The following DLGAP2 variants were observed in gnomAD, a reference collection of about 807,000 sequenced individuals.
DLGAP2 encodes disks large-associated protein 2.
Under a neutral mutation model 100.3 loss-of-function variants are expected in DLGAP2, and 26 were observed. That is an observed-to-expected ratio of 0.26 (90% confidence interval 0.19 to 0.36). The LOEUF (loss-of-function observed/expected upper bound fraction) is 0.36. Among genes scored for constraint, DLGAP2 ranks in the 10% least tolerant of loss-of-function variants. The pLI, the probability that DLGAP2 is intolerant of heterozygous loss-of-function variation, is 1.00. For synonymous variants in DLGAP2, 886 were observed against 630.1 expected (o/e 1.41, Z -6.08); for missense variants, 1,858 against 1,453.2 (o/e 1.28, Z -4.53).
Position 1,548,911 on chromosome 8 carries a change from G to C in DLGAP2, c.458G>C (p.Gly153Ala). ...SECVMMPVVL[G>A]DHVSSSTFPR... The stretch of plus-strand genomic sequence containing the variant: ...TGCGTGATGATGCCGGTGGTGCTGG[G>C]CGACCACGTGTCCAGCAGCACCTTC... The change falls in exon 5 of 15, where the codon GGC (glycine) becomes GCC (alanine). Residue 153 changes from glycine to alanine, a missense_variant. By Grantham distance (60) the Gly-to-Ala change is moderately conservative. Coordinates refer to ENST00000637795, the MANE Select transcript of DLGAP2 (RefSeq NM_001346810.2). 2 of 1,597,868 alleles carry C rather than the reference G, an allele frequency of 1.3e-6. No individual in the cohort carries two copies. The highest frequency in any genetic ancestry group is 1.7e-6 in the Non-Finnish European group (2 of 1,178,912).
chr8:1,586,656 G>A (rs1021732300), intron 6 of DLGAP2, among the ~76,000 whole-genome samples: 1 of 152,210 alleles, frequency 6.6e-6, no homozygotes, highest in Non-Finnish European at 1.5e-5. Context: ...TCAGAGTCCC[G>A]CCTGCAGAGG....
intron 3 of DLGAP2, among the ~76,000 whole-genome samples, chr8:1,466,538 TG>T (rs1798632242): frequency 2.0e-5 from 3 of 149,464 alleles, no homozygotes; most frequent in African/African-American, 7.2e-5. Context: ...TGTGTGTGTG[TG>T]TGTGTATGTG....
At chr8:1,596,422 G>A (rs991371796) in intron 6 of DLGAP2, among the ~76,000 whole-genome samples, 1 of 152,148 alleles carries the variant, frequency 6.6e-6, no homozygotes, top group Non-Finnish European at 1.5e-5. Flanking sequence ...TGTATTTCCA[G>A]TTCTAGATCC....
chr8:1,263,725 A>G (rs1362335248), intron 3 of DLGAP2, among the ~76,000 whole-genome samples: 2 of 152,136 alleles, frequency 1.3e-5, no homozygotes, highest in Admixed American at 6.5e-5. Flanking sequence ...TTGAAATTGC[A>G]TATTGAAGAG....
intron 1 of DLGAP2, among the ~76,000 whole-genome samples, chr8:787,078 A>T (rs1365546029): frequency 1.3e-5 from 2 of 152,144 alleles, no homozygotes; most frequent in African/African-American, 4.8e-5. Context: ...AGAACTTGGA[A>T]TATTATTCTA....
intron 1 of DLGAP2, among the ~76,000 whole-genome samples, chr8:816,982 T>C (rs1796492845): frequency 6.6e-6 from 1 of 152,038 alleles, no homozygotes; most frequent in African/African-American, 2.4e-5. Flanking sequence ...CTACTAAAAA[T>C]ACAACAAAAT....
chr8:1,156,736 G>A (rs1394085911), intron 2 of DLGAP2, among the ~76,000 whole-genome samples: 1 of 152,116 alleles, frequency 6.6e-6, no homozygotes, highest in African/African-American at 2.4e-5. Flanking sequence ...CCCCAACTCA[G>A]CACCCCCGTT....
At chr8:1,522,391 C>T (rs973115441) in intron 4 of DLGAP2, among the ~76,000 whole-genome samples, 10 of 152,296 alleles carry the variant, frequency 6.6e-5, no homozygotes, top group African/African-American at 2.4e-4. Flanking sequence ...GCAGCCGGGG[C>T]CCAGGGCATC....
intron 8 of DLGAP2, among the ~76,000 whole-genome samples, chr8:1,634,046 T>C (rs1330188188): frequency 1.3e-5 from 2 of 152,196 alleles, no homozygotes; most frequent in Non-Finnish European, 2.9e-5. Context: ...GTCGGCACTA[T>C]CATTGCACTT....
chr8:1,660,285 A>C (rs1488496651), intron 8 of DLGAP2, among the ~76,000 whole-genome samples: 1 of 152,204 alleles, frequency 6.6e-6, no homozygotes. Flanking sequence ...TTTTCATTAA[A>C]GGAAAATTCT....
chr8:1,419,238 TTTG>T (rs1050316802), intron 3 of DLGAP2, among the ~76,000 whole-genome samples: 3 of 147,778 alleles, frequency 2.0e-5, no homozygotes, highest in African/African-American at 7.7e-5. Flanking sequence ...GTGTGTAGGT[TTTG>T]TTTTCCTTTT....
rs368524042 is a variant in DLGAP2 at position 1,648,881 on chromosome 8, C to T, written c.1810+15835C>T. ...ATCTCTGAAAAGAAGAACCGCTGAT[C>T]TCACTTGAAATGGGAAGAATTGTGG... On this transcript the variant is annotated intron_variant, in intron 8 of 14. Transcript: ENST00000637795. Among the ~76,000 whole-genome samples the T allele has an allele frequency of 1.6e-4, 24 of 152,280 alleles. No individual in the cohort carries two copies. The South Asian group carries it at 2.3e-3, about 14-fold the overall frequency.
intron 1 of DLGAP2, among the ~76,000 whole-genome samples, chr8:868,711 G>A (rs553271848): frequency 4.6e-5 from 7 of 152,294 alleles, no homozygotes; most frequent in East Asian, 1.9e-4. Flanking sequence ...TGTCTGAGGC[G>A]TCTGCAGCCC....
At chr8:1,434,077 C>G (rs2130013659) in intron 3 of DLGAP2, among the ~76,000 whole-genome samples, 1 of 152,298 alleles carries the variant, frequency 6.6e-6, no homozygotes, top group Non-Finnish European at 1.5e-5. Flanking sequence ...GAATGAGGCT[C>G]TGTGCTATGG....
intron 1 of DLGAP2, among the ~76,000 whole-genome samples, chr8:829,199 C>T (rs1036369603): frequency 2.0e-5 from 3 of 152,134 alleles, no homozygotes; most frequent in African/African-American, 7.2e-5. Flanking sequence ...GTAAGGAATC[C>T]AGTTTCTAAT....
intron 3 of DLGAP2, among the ~76,000 whole-genome samples, chr8:1,451,369 A>G (rs1192314037): frequency 2.0e-5 from 3 of 152,114 alleles, no homozygotes; most frequent in African/African-American, 7.2e-5. Context: ...GGTTGCATGC[A>G]TGAGTGAGTC....
chr8:836,207 C>G (rs983728075), intron 1 of DLGAP2, among the ~76,000 whole-genome samples: 1 of 152,160 alleles, frequency 6.6e-6, no homozygotes, highest in East Asian at 1.9e-4. Context: ...GGGACTCGGC[C>G]GGAAAGCCCC....
intron 3 of DLGAP2, among the ~76,000 whole-genome samples, chr8:1,356,270 G>C (rs1172747968): frequency 1.3e-5 from 2 of 152,204 alleles, no homozygotes; most frequent in African/African-American, 4.8e-5. Context: ...CTCACCTGCT[G>C]TCAGCTGTCC....
intron 1 of DLGAP2, among the ~76,000 whole-genome samples, chr8:795,586 C>T (rs1313007103): frequency 2.0e-5 from 3 of 148,734 alleles, no homozygotes; most frequent in Non-Finnish European, 3.0e-5. Context: ...AATTGTGCAT[C>T]GGAGACTCAC....
Sources: allele counts gnomAD v4.1 joint callset (sites outside exome capture counted in the v4.1 genomes callset), GRCh38; gene constraint gnomAD v4.1.1; transcripts MANE v1.5; gene names NCBI Gene and HGNC (gene_info 2026-07-23, HGNC 2026-07-21).